The following SPATA2L variants were observed in gnomAD, a reference collection of about 807,000 sequenced individuals.
SPATA2L encodes spermatogenesis associated 2 like, also known as spermatogenesis-associated protein 2-like protein.
SPATA2L carries 5 observed loss-of-function variants against 8.7 expected under a neutral mutation model. The observed-to-expected ratio is 0.57, with a 90% CI of 0.30 to 1.21. SPATA2L has a LOEUF of 1.21. SPATA2L is among the 50% of genes most tolerant of loss of function. SPATA2L has a pLI of 0.07. For synonymous variants in SPATA2L, 358 were observed against 275.8 expected (o/e 1.30, Z -2.95); for missense variants, 671 against 591.0 (o/e 1.14, Z -1.40).
intron 2 of SPATA2L, among the ~76,000 whole-genome samples, chr16:89,699,307 TCCC>T (rs2060759647): frequency 6.6e-6 from 1 of 152,152 alleles, no homozygotes; most frequent in African/African-American, 2.4e-5. Flanking sequence ...TATGAGGTAG[TCCC>T]CCCTTTTTTT....
In SPATA2L at chr16:89,697,507, T is replaced by G. The variant is rs1597888316; in HGVS notation, c.1102A>C (p.Thr368Pro). The part of the protein sequence containing the change: ...HSCLSPGALP[T>P]LCCDTCRQLH... ...TGGCGACAGGTGTCGCAGCAGAGGG[T>G]GGGCAGGGCGCCAGGGGACAGGCAG... Residue 368 changes from threonine (T) to proline (P), a missense_variant, in exon 3 of 3, where the codon ACC becomes CCC. By Grantham distance (38) the Thr-to-Pro change is conservative. Coordinates refer to ENST00000289805, the MANE Select transcript of SPATA2L (RefSeq NM_152339.4). 1 of 1,598,746 alleles carries G rather than the reference T, an allele frequency of 6.3e-7. No individual in the cohort carries two copies.
In SPATA2L at chr16:89,697,605, C is replaced by T. The variant is rs1233375076; in HGVS notation, c.1004G>A (p.Arg335His). 14 of 1,602,822 alleles carry T rather than the reference C, an allele frequency of 8.7e-6. No homozygotes were observed. The highest frequency in any genetic ancestry group is 1.6e-4 in the Middle Eastern group (1 of 6,074). The change falls in exon 3 of 3, where the codon CGT (arginine) becomes CAT (histidine). Residue 335 changes from arginine to histidine, a missense_variant. By Grantham distance (29) the Arg-to-His change is conservative. Transcript: ENST00000289805. Reference sequence around the variant, plus strand: ...GGCTGGTACCCCCTCTGCCCGAATACGCCTCGGGCTGGCCGCTGCAGAGCT... The same window carrying T: ...GGCTGGTACCCCCTCTGCCCGAATATGCCTCGGGCTGGCCGCTGCAGAGCT... ...PESSAAASPR[R>H]IRAEGVPASA...
Position 89,698,282 on chromosome 16 carries a change from G to A in SPATA2L, c.327C>T (p.His109=), listed in dbSNP as rs761082984. ...CGTCTGAGAGCACACCCTTCAGCAC[G>A]TGCACGTAGCCCCCAGAGAAGGTCT... ...TIKTFSGGYV[H]VLKGVLSDDL... The change falls in exon 3 of 3, where the codon CAC becomes CAT. Residue 109 remains histidine (H), a synonymous_variant. Transcript: ENST00000289805. 1.7e-5 allele frequency: 27 copies of A among 1,579,136 alleles called. No individual in the cohort carries two copies. In the Admixed American group the frequency reaches 2.5e-4, roughly 14 times the overall value.
Position 89,701,023 on chromosome 16 carries a change from C to A in SPATA2L, c.210G>T (p.Ala70=). ...GLWGRADLAP[A]LRGLARAFEL... The stretch of plus-strand genomic sequence containing the variant: ...CGAAGGCGCGAGCCAGGCCGCGTAG[C>A]GCGGGCGCCAGGTCGGCGCGGCCCC... The change falls in exon 2 of 3, where the codon GCG becomes GCT. Residue 70 remains alanine, a synonymous_variant. Transcript: ENST00000289805. 1.9e-6 allele frequency: 3 copies of A among 1,571,322 alleles called. No homozygotes were observed.
chr16:89,697,941 G>A lies in SPATA2L; in HGVS notation c.668C>T (p.Ala223Val), dbSNP rs1010623884. 3.7e-6 allele frequency: 6 copies of A among 1,608,924 alleles called. No homozygotes were observed. The African/African-American group carries it at 8.0e-5, about 21-fold the overall frequency. ...PPRGSPAAYR[A>V]PLDLYRDLQE... ...CAAGTCCCGGTATAAGTCCAGTGGGGCCCTGTAAGCAGCAGGGGAGCCTCG... is the reference window on the plus strand; with the variant it reads ...CAAGTCCCGGTATAAGTCCAGTGGGACCCTGTAAGCAGCAGGGGAGCCTCG... Residue 223 changes from alanine to valine, a missense_variant, in exon 3 of 3, where the codon GCC becomes GTC. Physicochemically the swap from Ala to Val is moderately conservative, Grantham distance 64 (BLOSUM62 0). Coordinates refer to ENST00000289805, the MANE Select transcript of SPATA2L (RefSeq NM_152339.4).
chr16:89,697,266 C>T lies in SPATA2L; in HGVS notation c.*68G>A, dbSNP rs1416069466. 1.4e-6 allele frequency: 2 copies of T among 1,445,372 alleles called. No individual in the cohort carries two copies. Among genetic ancestry groups the T allele is most frequent in the Non-Finnish European group, 9.1e-7 (1 of 1,104,058 alleles). The allele number at this position is 1,445,372 out of a possible 1,614,324, so 89.5% of individuals were successfully genotyped here. ...GACAAGGCAACCAGAGGCCCAGACC[C>T]CTCCCCAGCAAAGAGAAGCACCACG... On this transcript the variant is annotated 3_prime_UTR_variant, in exon 3 of 3. Transcript: ENST00000289805.
Position 89,698,284 on chromosome 16 carries a change from G to A in SPATA2L, c.325C>T (p.His109Tyr). ...TIKTFSGGYV[H>Y]VLKGVLSDDL... ...TCTGAGAGCACACCCTTCAGCACGT[G>A]CACGTAGCCCCCAGAGAAGGTCTGC... is the stretch of plus-strand genomic sequence containing the variant. The change falls in exon 3 of 3, where the codon CAC becomes TAC. Residue 109 changes from histidine to tyrosine, a missense_variant. Transcript: ENST00000289805. The A allele has an allele frequency of 6.3e-7, 1 of 1,577,176 alleles. No individual in the cohort carries two copies. Among genetic ancestry groups the A allele is most frequent in the East Asian group, 2.3e-5 (1 of 44,410 alleles).
chr16:89,697,453 G>A lies in SPATA2L; in HGVS notation c.1156C>T (p.Pro386Ser), dbSNP rs929911079. ...AGCGAGTGGCCTGGACGGCAGGCGG[G>A]CAGGGCTGCACAGTGGGCAGCATGC... ...QLHAAHCAAL[P>S]ACRPGHSLRV... Residue 386 changes from proline (P) to serine (S), a missense_variant, in exon 3 of 3, where the codon CCC (proline) becomes TCC (serine). By Grantham distance (74) the Pro-to-Ser change is moderately conservative (BLOSUM62 -1). Coordinates refer to ENST00000289805, the MANE Select transcript of SPATA2L (RefSeq NM_152339.4). 1 of 1,605,822 alleles carries A rather than the reference G, an allele frequency of 6.2e-7. No homozygotes were observed. The highest frequency in any genetic ancestry group is 1.1e-5 in the South Asian group (1 of 90,690).
intron 1 of SPATA2L, 37 bp downstream of exon 1, chr16:89,701,591 C>T (rs895574333): frequency 8.1e-6 from 2 of 246,682 alleles, no homozygotes; most frequent in African/African-American, 2.2e-5. Flanking sequence ...CTTCGCCCGG[C>T]AGATGGAGCT....
rs750164398 is a variant in SPATA2L, at chr16:89,696,833, C to T, written c.*501G>A. 1.5e-5 allele frequency: 23 copies of T among 1,535,166 alleles called. No individual in the cohort carries two copies. The highest frequency in any genetic ancestry group is 6.8e-5 in the African/African-American group (5 of 73,020). On this transcript the variant is annotated 3_prime_UTR_variant, in exon 3 of 3. Coordinates refer to ENST00000289805, the MANE Select transcript of SPATA2L (RefSeq NM_152339.4). ...CCCGAAGCCAGGTCAGCCGTGCACC[C>T]GGCAGAGCCCCGCAGATTGGCTCCA...
intron 1 of SPATA2L, 155 bp from the exon 2 acceptor site, chr16:89,701,388 ACG>A: frequency 1.5e-6 from 1 of 661,612 alleles, no homozygotes; most frequent in Non-Finnish European, 2.3e-6. Flanking sequence ...GGCACCCCCT[ACG>A]CTGGAGACCT....
intron 2 of SPATA2L, among the ~76,000 whole-genome samples, chr16:89,699,253 GTGTT>G (rs1162963731): frequency 3.3e-5 from 5 of 152,174 alleles, no homozygotes; most frequent in Non-Finnish European, 7.4e-5. Flanking sequence ...ACTTGCCCAG[GTGTT>G]TGTTTTGCAA....
chr16:89,698,366 C>A, intron 2 of SPATA2L, 61 bp from the exon 3 acceptor site: 2 of 1,496,530 alleles, frequency 1.3e-6, no homozygotes, highest in Non-Finnish European at 1.8e-6. Flanking sequence ...CCCTAGGGTA[C>A]AGTGGGTCCG....
In SPATA2L at chr16:89,697,867, G is replaced by A; in HGVS notation, c.742C>T (p.Pro248Ser). 1.9e-6 allele frequency: 3 copies of A among 1,611,648 alleles called. No homozygotes were observed. The highest frequency in any genetic ancestry group is 4.5e-5 in the East Asian group (2 of 44,842). Residue 248 changes from proline to serine, a missense_variant, in exon 3 of 3, where the codon CCA becomes TCA. Physicochemically the swap from Pro to Ser is moderately conservative, Grantham distance 74 (BLOSUM62 -1). Transcript: ENST00000289805. Reference sequence around the variant, plus strand: ...TCCGCCGGGGGCGAGTCAGGGCCTGGTGACGGCTCCCCATACAGGCTGGCG... The same window carrying A: ...TCCGCCGGGGGCGAGTCAGGGCCTGATGACGGCTCCCCATACAGGCTGGCG... Reference protein sequence around the residue: ...EDASLYGEPSPGPDSPPAELA... With the variant: ...EDASLYGEPSSGPDSPPAELA...
chr16:89,697,965 CG>C lies in SPATA2L; in HGVS notation c.643del (p.Arg215GlufsTer102). On this transcript the variant is annotated frameshift_variant, in exon 3 of 3. Transcript: ENST00000289805. LOFTEE classifies it low-confidence loss of function (END_TRUNC). ...GGCCCTGTAAGCAGCAGGGGAGCCT[CG>C]GGGGGGCAGGGGTGGCGGCTCCTCA... is the stretch of plus-strand genomic sequence containing the variant. Reference protein sequence around the residue: ...QDEEPPPLPPRGSPAAYRAPL... With the variant: ...QDEEPPPLPPXGSPAAYRAPL... The C allele has an allele frequency of 3.7e-6, 6 of 1,604,646 alleles. No individual in the cohort carries two copies. The highest frequency in any genetic ancestry group is 3.4e-6 in the Non-Finnish European group (4 of 1,176,830).
At position 89,697,071 on chromosome 16, in the gene SPATA2L, A is replaced by C; in HGVS notation, c.*263T>G. ...TGGAACAGGCTGGACCCCTCTACCC[A>C]GCACATGTGGGCATGCGTCTGGGTT... On this transcript the variant is annotated 3_prime_UTR_variant, in exon 3 of 3. Coordinates refer to ENST00000289805, the MANE Select transcript of SPATA2L (RefSeq NM_152339.4). 3 of 1,387,604 alleles carry C rather than the reference A, an allele frequency of 2.2e-6. No homozygotes were observed. Among genetic ancestry groups the C allele is most frequent in the African/African-American group, 1.5e-5 (1 of 68,916 alleles). The allele number at this position is 1,387,604 out of a possible 1,614,324, so 86.0% of individuals were successfully genotyped here. A position where few individuals can be genotyped will look rare whatever the true frequency, so the allele number is the denominator to read the frequency against.
Position 89,696,653 on chromosome 16 carries a change from C to T in SPATA2L, c.*681G>A, listed in dbSNP as rs565679908. On this transcript the variant is annotated 3_prime_UTR_variant, in exon 3 of 3. Coordinates refer to ENST00000289805, the MANE Select transcript of SPATA2L (RefSeq NM_152339.4). ...CCGCCTGGGCGGGCTGTCCACAGGC[C>T]CTTCCGCCCAGCAGCAGTGACGCTC... 2.2e-4 allele frequency: 203 copies of T among 935,424 alleles called. No individual in the cohort carries two copies. Among genetic ancestry groups the T allele is most frequent in the Non-Finnish European group, 2.9e-4 (182 of 638,580 alleles). 57.9% of individuals were successfully genotyped at this position (935,424 alleles called of 1,614,324 possible).
In SPATA2L at chr16:89,701,211, C is replaced by T; in HGVS notation, c.22G>A (p.Glu8Lys). 6.9e-7 allele frequency: 1 copy of T among 1,448,618 alleles called. No individual in the cohort carries two copies. Among genetic ancestry groups the T allele is most frequent in the Non-Finnish European group, 9.1e-7 (1 of 1,100,636 alleles). 89.7% of individuals were successfully genotyped at this position (1,448,618 alleles called of 1,614,324 possible). The change falls in exon 2 of 3, where the codon GAG becomes AAG. Residue 8 changes from glutamate (E) to lysine (K), a missense_variant. By Grantham distance (56) the Glu-to-Lys change is moderately conservative. Transcript: ENST00000289805. MGSSSLS[E>K]DYRQCLEREL... ...CGCTCCAGGCACTGGCGGTAGTCCT[C>T]GGACAGCGAGCTGCTGCCCATCCTG... is the stretch of plus-strand genomic sequence containing the variant.
Position 89,701,110 on chromosome 16 carries a change from C to T in SPATA2L, c.123G>A (p.Glu41=), listed in dbSNP as rs577197362. 3.7e-5 allele frequency: 58 copies of T among 1,559,396 alleles called. No homozygotes were observed. The East Asian group carries it at 1.2e-3, about 32-fold the overall frequency. ...GCAGCGCCCCGTGCAGGTCGAAGTC[C>T]TCCACCAGGATCTGCCAGAGCACCG... ...LRAVLWQILV[E]DFDLHGALQD... Residue 41 remains glutamate, a synonymous_variant, in exon 2 of 3, where the codon GAG becomes GAA. Transcript: ENST00000289805.
Sources: gnomAD v4.1 joint callset for allele counts (sites outside exome capture counted in the v4.1 genomes callset) on GRCh38, gnomAD v4.1.1 for gene constraint, MANE v1.5 for transcripts, NCBI Gene and HGNC (gene_info 2026-07-23, HGNC 2026-07-21) for gene names.